The following B3GALT1 variants were observed in gnomAD, a reference collection of about 807,000 sequenced individuals.
B3GALT1 encodes the protein beta-1,3-galactosyltransferase 1, also known as UDP-Gal:betaGlcNAc beta 1,3-galactosyltransferase, polypeptide 1.
In B3GALT1, 10 loss-of-function variants were observed where a neutral mutation model predicts 23.2. The observed-to-expected ratio is 0.43, with a 90% confidence interval of 0.27 to 0.73. The LOEUF is 0.73. B3GALT1 is among the 30% of genes least tolerant of loss of function. The pLI is 0.21. For missense variants in B3GALT1, 299 were observed against 405.4 expected (o/e 0.74, Z 2.25); for synonymous variants, 156 against 141.5 (o/e 1.10, Z -0.73).
intron 1 of B3GALT1, among the ~76,000 whole-genome samples, chr2:167,489,173 G>A (rs1424890739): frequency 1.3e-5 from 2 of 152,012 alleles, no homozygotes; most frequent in African/African-American, 4.8e-5. Context: ...AGATCAAGAG[G>A]GGCACATTTT....
intron 3 of B3GALT1, among the ~76,000 whole-genome samples, chr2:167,678,854 TAGAC>T (rs1686474665): frequency 6.6e-6 from 1 of 152,226 alleles, no homozygotes; most frequent in South Asian, 2.1e-4. Flanking sequence ...GCTTATTTGG[TAGAC>T]AGTTTGCTTC....
intron 2 of B3GALT1, among the ~76,000 whole-genome samples, chr2:167,644,307 A>G (rs1346976308): frequency 1.3e-5 from 2 of 152,100 alleles, no homozygotes; most frequent in African/African-American, 4.8e-5. Context: ...CCAGTAGAAA[A>G]CAAACAAAAA....
intron 3 of B3GALT1, among the ~76,000 whole-genome samples, chr2:167,805,114 A>G (rs942032379): frequency 7.2e-5 from 11 of 152,206 alleles, no homozygotes; most frequent in Admixed American, 6.5e-5. Context: ...TTTTGGCTGC[A>G]TAAATGTCTT....
chr2:167,434,718 C>CG (rs1448618948), intron 1 of B3GALT1, among the ~76,000 whole-genome samples: 1 of 142,648 alleles, frequency 7.0e-6, no homozygotes, highest in Non-Finnish European at 1.5e-5. Flanking sequence ...TGACCCCCCC[C>CG]CCTTATTTTT....
chr2:167,616,095 G>T (rs1685157000), intron 2 of B3GALT1, among the ~76,000 whole-genome samples: 1 of 147,692 alleles, frequency 6.8e-6, no homozygotes, highest in South Asian at 2.2e-4. Context: ...AAGAAGAAGG[G>T]AATACTTTAG....
Position 167,611,706 on chromosome 2 carries a change from G to A in B3GALT1, c.-409-35203G>A, listed in dbSNP as rs137987573. ...AATTTCTAAGGAAGAGCAGCGCCTT[G>A]GGGTCACATAGTTACATCTCAGCCA... On this transcript the variant is annotated intron_variant, in intron 2 of 4. Transcript: ENST00000392690. 7.9e-5 allele frequency among the ~76,000 whole-genome samples: 12 copies of A among 152,008 alleles called. 1 individual carries two copies. Among genetic ancestry groups the A allele is most frequent in the African/African-American group, 2.4e-4 (10 of 41,488 alleles).
chr2:167,664,965 G>A (rs1380864910), intron 3 of B3GALT1, among the ~76,000 whole-genome samples: 3 of 150,388 alleles, frequency 2.0e-5, no homozygotes, highest in Non-Finnish European at 4.4e-5. Flanking sequence ...TCCTTCTCCT[G>A]CCTAATTGCC....
chr2:167,600,378 T>C (rs1386062648), intron 2 of B3GALT1, among the ~76,000 whole-genome samples: 1 of 152,230 alleles, frequency 6.6e-6, no homozygotes, highest in Non-Finnish European at 1.5e-5. Flanking sequence ...TATTGAGATA[T>C]AATTCTCATA....
At chr2:167,775,300 G>A (rs1335331638) in intron 3 of B3GALT1, among the ~76,000 whole-genome samples, 1 of 152,140 alleles carries the variant, frequency 6.6e-6, no homozygotes, top group African/African-American at 2.4e-5. Context: ...GCTGGGCGTG[G>A]TATCTCACGC....
chr2:167,629,019 C>T (rs1685393260), intron 2 of B3GALT1, among the ~76,000 whole-genome samples: 1 of 151,524 alleles, frequency 6.6e-6, no homozygotes, highest in Admixed American at 6.6e-5. Context: ...ATATTTGGAG[C>T]CTACCATAAA....
intron 3 of B3GALT1, among the ~76,000 whole-genome samples, chr2:167,772,593 T>G (rs892485444): frequency 6.6e-6 from 1 of 152,214 alleles, no homozygotes; most frequent in South Asian, 2.1e-4. Flanking sequence ...AGCCTTCATT[T>G]TGGAGACTTG....
intron 2 of B3GALT1, among the ~76,000 whole-genome samples, chr2:167,579,213 C>T (rs780399575): frequency 2.6e-5 from 4 of 151,956 alleles, no homozygotes; most frequent in Non-Finnish European, 5.9e-5. Context: ...TTTGTTCAAC[C>T]TTATGACCCC....
chr2:167,298,867 A>T (rs931583042), intron 1 of B3GALT1, among the ~76,000 whole-genome samples: 3 of 150,786 alleles, frequency 2.0e-5, no homozygotes, highest in African/African-American at 4.9e-5. Flanking sequence ...TTTTTTTTTT[A>T]AAAAGAGCAA....
chr2:167,372,636 G>C (rs966137259), intron 1 of B3GALT1, among the ~76,000 whole-genome samples: 7 of 152,070 alleles, frequency 4.6e-5, no homozygotes, highest in Middle Eastern at 3.4e-3. Context: ...ATTTGGCAAG[G>C]TAACAGTTGA....
intron 3 of B3GALT1, among the ~76,000 whole-genome samples, chr2:167,710,306 C>T (rs1206302027): frequency 6.6e-6 from 1 of 152,218 alleles, no homozygotes; most frequent in Non-Finnish European, 1.5e-5. Context: ...CTTATGTACT[C>T]AAGATCCCTA....
At chr2:167,467,565 G>C (rs1268187793) in intron 1 of B3GALT1, among the ~76,000 whole-genome samples, 1 of 152,178 alleles carries the variant, frequency 6.6e-6, no homozygotes, top group Non-Finnish European at 1.5e-5. Context: ...GACTGGCAGA[G>C]TTGTGTTCCT....
At chr2:167,639,358 A>G (rs1685613741) in intron 2 of B3GALT1, among the ~76,000 whole-genome samples, 1 of 151,980 alleles carries the variant, frequency 6.6e-6, no homozygotes, top group South Asian at 2.1e-4. Context: ...GAATTAATCT[A>G]CATTTTAGTA....
intron 1 of B3GALT1, among the ~76,000 whole-genome samples, chr2:167,376,573 T>G (rs995543308): frequency 6.6e-6 from 1 of 152,066 alleles, no homozygotes; most frequent in Non-Finnish European, 1.5e-5. Context: ...TCTTGGGAGG[T>G]TGTGTATTTT....
chr2:167,715,601 T>C (rs1687130116), intron 3 of B3GALT1: 1 of 1,613,936 alleles, frequency 6.2e-7, no homozygotes, highest in Non-Finnish European at 8.5e-7. Flanking sequence ...TTTAGATTTC[T>C]CTTCTTTTAA....
Sources: allele counts gnomAD v4.1 joint callset (sites outside exome capture counted in the v4.1 genomes callset), GRCh38; gene constraint gnomAD v4.1.1; transcripts MANE v1.5; gene names NCBI Gene and HGNC (gene_info 2026-07-23, HGNC 2026-07-21).